Variants in FGF6 observed in about 807,000 individuals in gnomAD.
FGF6 encodes the protein fibroblast growth factor 6.
FGF6 carries 14 observed loss-of-function variants against 18.4 expected under a neutral mutation model. The ratio of observed to expected loss-of-function variants is 0.76; its 90% CI spans 0.50 to 1.19. The LOEUF is 1.19. Ranked by LOEUF, FGF6 falls within the 50% of genes most tolerant of loss-of-function variation. The pLI is 0.00. For synonymous variants in FGF6, 125 were observed against 116.7 expected (o/e 1.07, Z -0.46); for missense variants, 266 against 271.6 (o/e 0.98, Z 0.15).
chr12:4,444,920 C>A (rs1265878842), intron 1 of FGF6, among the ~76,000 whole-genome samples: 2 of 152,228 alleles, frequency 1.3e-5, no homozygotes, highest in African/African-American at 4.8e-5. Flanking sequence ...CCTACCCAGG[C>A]CTTGGGGGCT....
rs747145442 is a variant in FGF6, at chr12:4,445,298, G to A, written c.273C>T (p.Asn91=). The A allele has an allele frequency of 1.9e-6, 3 of 1,614,078 alleles. No individual in the cohort carries two copies. The highest frequency in any genetic ancestry group is 1.3e-5 in the African/African-American group (1 of 75,054). ...CCTGGAGGTGAAAGCCGATGCCCAC[G>A]TTGCAGTAGAGCCTCCGCTGCCGCT... ...GIKRQRRLYC[N]VGIGFHLQVL... is the part of the protein sequence containing the mutation. Residue 91 remains asparagine (N), a synonymous_variant, in exon 1 of 3, where the codon AAC becomes AAT. Transcript: ENST00000228837. The surrounding 1 kb of genome is among the most constrained non-coding windows in gnomAD (Gnocchi z 5.5).
rs1243238782 is a variant in FGF6 at position 4,441,700 on chromosome 12, C to T, written c.450+2433G>A. On this transcript the variant is annotated intron_variant, in intron 2 of 2. Coordinates refer to ENST00000228837, the MANE Select transcript of FGF6 (RefSeq NM_020996.3). ...TCAGCCCCAGCCCAGTTTCCCTCCC[C>T]CACCCATGAGAAATCCCATGAACTG... 4.6e-5 allele frequency among the ~76,000 whole-genome samples: 7 copies of T among 152,284 alleles called. No homozygotes were observed. In the South Asian group the frequency reaches 1.0e-3, roughly 23 times the overall value.
intron 2 of FGF6, among the ~76,000 whole-genome samples, chr12:4,441,213 A>C (rs1223241639): frequency 2.6e-5 from 4 of 152,196 alleles, no homozygotes; most frequent in Admixed American, 2.6e-4. Context: ...GAATTCACTG[A>C]TTTCTGCCTC....
In FGF6 at chr12:4,445,366, T is replaced by C; in HGVS notation, c.205A>G (p.Ile69Val). Residue 69 changes from isoleucine to valine, a missense_variant, in exon 1 of 3, where the codon ATT (isoleucine) becomes GTT (valine). Physicochemically the swap from Ile to Val is conservative, Grantham distance 29 (BLOSUM62 3). Transcript: ENST00000228837. This position sits in a 1 kb window ranked among gnomAD's most constrained non-coding sequence, Gnocchi z 5.5. Reference protein sequence around the residue: ...SRSRAGLAGEIAGVNWESGYL... With the variant: ...SRSRAGLAGEVAGVNWESGYL... ...CCACTTTCCCAGTTCACCCCGGCAA[T>C]CTCTCCAGCTAGCCCGGCGCGAGAC... 1.2e-6 allele frequency: 2 copies of C among 1,613,918 alleles called. No homozygotes were observed. Among genetic ancestry groups the C allele is most frequent in the South Asian group, 1.1e-5 (1 of 91,076 alleles).
intron 2 of FGF6, among the ~76,000 whole-genome samples, chr12:4,442,184 C>T (rs1333170338): frequency 1.3e-5 from 2 of 151,880 alleles, no homozygotes; most frequent in Non-Finnish European, 2.9e-5. Flanking sequence ...GCCTAACCCC[C>T]TTTGAAGTCA....
intron 2 of FGF6, among the ~76,000 whole-genome samples, chr12:4,440,224 G>A (rs1865675285): frequency 6.6e-6 from 1 of 152,232 alleles, no homozygotes; most frequent in South Asian, 2.1e-4. Flanking sequence ...GGTCTATTCA[G>A]ACTTATGTGC....
chr12:4,434,835 G>T (rs928144848), intron 2 of FGF6, among the ~76,000 whole-genome samples: 1 of 152,196 alleles, frequency 6.6e-6, no homozygotes, highest in South Asian at 2.1e-4. Context: ...AGAGCTCAGG[G>T]TGCTATTTCG....
In FGF6 at chr12:4,445,202, G is replaced by T; in HGVS notation, c.346+23C>A. The T allele has an allele frequency of 1.3e-6, 2 of 1,585,246 alleles. No individual in the cohort carries two copies. Among genetic ancestry groups the T allele is most frequent in the Non-Finnish European group, 1.7e-6 (2 of 1,165,000 alleles). On this transcript the variant is annotated intron_variant, in intron 1 of 2. Transcript: ENST00000228837. This position sits in a 1 kb window ranked among gnomAD's most constrained non-coding sequence, Gnocchi z 5.5. ...ATGAGCCCAAACCCCCAAGCGTCCCGACTGGCTGCAGCTGGCACTCACTGT... is the reference window on the plus strand; with the variant it reads ...ATGAGCCCAAACCCCCAAGCGTCCCTACTGGCTGCAGCTGGCACTCACTGT...
At chr12:4,434,563 G>A (rs1043865742) in intron 2 of FGF6, among the ~76,000 whole-genome samples, 172 bp from the exon 3 acceptor site, 5 of 152,026 alleles carry the variant, frequency 3.3e-5, no homozygotes, top group African/African-American at 1.2e-4. Flanking sequence ...GAAAGGTTAG[G>A]ATGGGAAGAG....
chr12:4,441,970 A>T (rs1408681955), intron 2 of FGF6, among the ~76,000 whole-genome samples: 3 of 150,554 alleles, frequency 2.0e-5, no homozygotes, highest in Non-Finnish European at 4.4e-5. Flanking sequence ...GTCCAGCCCC[A>T]CTCTCTGTGT....
At chr12:4,438,930 G>A (rs550978626) in intron 2 of FGF6, among the ~76,000 whole-genome samples, 10 of 152,102 alleles carry the variant, frequency 6.6e-5, no homozygotes, top group South Asian at 2.1e-4. Flanking sequence ...GGCATAGTAC[G>A]CTCTTGTTTG....
At position 4,437,620 on chromosome 12, in the gene FGF6, A is replaced by C. The variant is rs576145644; in HGVS notation, c.451-3229T>G. Among the ~76,000 whole-genome samples the C allele has an allele frequency of 3.3e-5, 5 of 152,364 alleles. No individual in the cohort carries two copies. In the South Asian group the frequency reaches 1.0e-3, roughly 32 times the overall value. On this transcript the variant is annotated intron_variant, in intron 2 of 2. Transcript: ENST00000228837. ...ATGAGAAGTCCAGTACAGGTCAATGAACAACATAGAGTCCAGCAGTAGATC... is the reference window on the plus strand; with the variant it reads ...ATGAGAAGTCCAGTACAGGTCAATGCACAACATAGAGTCCAGCAGTAGATC...
At chr12:4,434,464 A>C in intron 2 of FGF6, 73 bp from the exon 3 acceptor site, 1 of 1,457,856 alleles carries the variant, frequency 6.9e-7, no homozygotes. Flanking sequence ...GCTGGGCCGC[A>C]GAGAGTAGGC....
At position 4,445,658 on chromosome 12, in the gene FGF6, G is replaced by T. The variant is rs536782165; in HGVS notation, c.-88C>A. On this transcript the variant is annotated 5_prime_UTR_variant, in exon 1 of 3. Coordinates refer to ENST00000228837, the MANE Select transcript of FGF6 (RefSeq NM_020996.3). This position sits in a 1 kb window ranked among gnomAD's most constrained non-coding sequence, Gnocchi z 5.5. Reference sequence around the variant, plus strand: ...TTTCTCCCTCCGGCATGGCGGCAGGGGCTTATTTTTGGAAGGCAGATGAAG... The same window carrying T: ...TTTCTCCCTCCGGCATGGCGGCAGGTGCTTATTTTTGGAAGGCAGATGAAG... The T allele has an allele frequency of 8.8e-7, 1 of 1,141,902 alleles. No homozygotes were observed. Among genetic ancestry groups the T allele is most frequent in the African/African-American group, 1.6e-5 (1 of 64,232 alleles). The allele number at this position is 1,141,902 out of a possible 1,614,324, so 70.7% of individuals were successfully genotyped here.
At chr12:4,435,668 C>G (rs1865619372) in intron 2 of FGF6, among the ~76,000 whole-genome samples, 1 of 152,176 alleles carries the variant, frequency 6.6e-6, no homozygotes, top group Non-Finnish European at 1.5e-5. Context: ...AAAAATGGCC[C>G]TTTCCATGCT....
At chr12:4,442,537 C>T (rs768489544) in intron 2 of FGF6, among the ~76,000 whole-genome samples, 1 of 152,154 alleles carries the variant, frequency 6.6e-6, no homozygotes, top group Non-Finnish European at 1.5e-5. Flanking sequence ...GTGCTTTCTC[C>T]CAGGAGATTT....
Position 4,441,970 on chromosome 12 carries a change from ACT to A in FGF6, c.450+2161_450+2162del, listed in dbSNP as rs1240133923. The stretch of plus-strand genomic sequence containing the variant: ...GCTTGGGGCACAGCTGTCCAGCCCC[ACT>A]CTCTGTGTGCAGGCCCGGCTGGCCC... On this transcript the variant is annotated intron_variant, in intron 2 of 2. Transcript: ENST00000228837. Among the ~76,000 whole-genome samples, 3 of 150,668 alleles carry A rather than the reference ACT, an allele frequency of 2.0e-5. No homozygotes were observed. The East Asian group carries it at 5.9e-4, about 30-fold the overall frequency.
chr12:4,434,271 G>A lies in FGF6; in HGVS notation c.571C>T (p.Arg191Trp), dbSNP rs17183778. Residue 191 changes from arginine (R) to tryptophan (W), a missense_variant, in exon 3 of 3, where the codon CGG becomes TGG. Coordinates refer to ENST00000228837, the MANE Select transcript of FGF6 (RefSeq NM_020996.3). ...IALSKYGRVK[R>W]GSKVSPIMTV... ...ATGATCGGGGACACCTTGCTGCCCC[G>A]CTTTACCCGTCCGTATTTGCTCAGG... The A allele has an allele frequency of 2.4e-5, 39 of 1,614,062 alleles. No homozygotes were observed. Among genetic ancestry groups the A allele is most frequent in the South Asian group, 1.4e-4 (13 of 91,082 alleles).
In FGF6 at chr12:4,441,762, G is replaced by A. The variant is rs548986658; in HGVS notation, c.450+2371C>T. Among the ~76,000 whole-genome samples, 21 of 152,210 alleles carry A rather than the reference G, an allele frequency of 1.4e-4. No homozygotes were observed. The South Asian group carries it at 3.9e-3, about 29-fold the overall frequency. ...TGAGCCTGGGAGATGAGGCAGCTCC[G>A]GGGGCTTAAAAGGAAATAGTGTGAA... On this transcript the variant is annotated intron_variant, in intron 2 of 2. Transcript: ENST00000228837.
Sources: allele counts gnomAD v4.1 joint callset (sites outside exome capture counted in the v4.1 genomes callset), GRCh38; gene constraint gnomAD v4.1.1; non-coding constraint Gnocchi (gnomAD v3.1); transcripts MANE v1.5; gene names NCBI Gene and HGNC (gene_info 2026-07-23, HGNC 2026-07-21).